Variants in NTRK3 observed in about 807,000 individuals in gnomAD.
NTRK3 encodes neurotrophic receptor tyrosine kinase 3.
Under a neutral mutation model 91.7 loss-of-function variants are expected in NTRK3, and 24 were observed. The ratio of observed to expected loss-of-function variants is 0.26; its 90% CI spans 0.19 to 0.37. The LOEUF (loss-of-function observed/expected upper bound fraction) is 0.37, where lower values mean the gene tolerates loss of function less well. Among genes scored for constraint, NTRK3 ranks in the 10% least tolerant of loss-of-function variants. NTRK3 has a pLI of 1.00. For missense variants in NTRK3, 880 were observed against 1,068.9 expected (o/e 0.82, Z 2.46); for synonymous variants, 483 against 404.0 (o/e 1.20, Z -2.34).
intron 13 of NTRK3, among the ~76,000 whole-genome samples, chr15:88,125,461 C>T (rs75250354): frequency 0.012 from 1,839 of 152,096 alleles, 30 homozygotes; most frequent in African/African-American, 0.042. Context: ...TATCAAACCT[C>T]GTATCATGCC....
At chr15:88,182,271 A>G (rs370961925) in intron 5 of NTRK3, among the ~76,000 whole-genome samples, 56 of 152,266 alleles carry the variant, frequency 3.7e-4, no homozygotes, top group African/African-American at 1.1e-3. Context: ...TTGGGAAAAC[A>G]CAAAGAGCCT....
At chr15:88,200,098 A>G (rs777793943) in intron 3 of NTRK3, among the ~76,000 whole-genome samples, 28 of 152,240 alleles carry the variant, frequency 1.8e-4, no homozygotes, top group Non-Finnish European at 3.2e-4. Context: ...AATTGGGAGC[A>G]TGATTGAGCC....
At chr15:87,897,397 G>A (rs1213866035) in intron 17 of NTRK3, among the ~76,000 whole-genome samples, 1 of 152,142 alleles carries the variant, frequency 6.6e-6, no homozygotes, top group African/African-American at 2.4e-5. Context: ...CAACTCCAAA[G>A]ATGTGAGTTG....
rs115771660 is a variant in NTRK3 at position 88,177,086 on chromosome 15, A to T, written c.395+6332T>A. Among the ~76,000 whole-genome samples the T allele has an allele frequency of 3.8e-3, 580 of 152,306 alleles. 1 individual carries two copies. Among genetic ancestry groups the T allele is most frequent in the African/African-American group, 0.013 (560 of 41,576 alleles). ...TCCAATGTGGGAATGAGCTTGGCAC[A>T]TTTAAGGGACTGAAAAGGCTTGTAA... On this transcript the variant is annotated intron_variant, in intron 5 of 18. Transcript: ENST00000394480.
intron 14 of NTRK3, among the ~76,000 whole-genome samples, chr15:88,006,869 A>G (rs2076530390): frequency 1.3e-5 from 2 of 152,106 alleles, no homozygotes; most frequent in South Asian, 4.1e-4. Flanking sequence ...ACACAGCACC[A>G]TCAGAGAGCC....
At chr15:88,118,658 C>G (rs2052369580) in intron 13 of NTRK3, among the ~76,000 whole-genome samples, 1 of 152,138 alleles carries the variant, frequency 6.6e-6, no homozygotes, top group South Asian at 2.1e-4. Context: ...TTTACTAACT[C>G]ATCTTCTGTT....
At chr15:88,129,760 A>T (rs2053628367) in intron 10 of NTRK3, among the ~76,000 whole-genome samples, 1 of 152,224 alleles carries the variant, frequency 6.6e-6, no homozygotes, top group African/African-American at 2.4e-5. Flanking sequence ...CAAATGTAGG[A>T]TCATTTAAGC....
chr15:88,046,413 A>T (rs1395927387), intron 13 of NTRK3, among the ~76,000 whole-genome samples: 1 of 152,166 alleles, frequency 6.6e-6, no homozygotes, highest in African/African-American at 2.4e-5. Flanking sequence ...CCAGGTCTAC[A>T]GGTGGGACAC....
intron 13 of NTRK3, among the ~76,000 whole-genome samples, chr15:88,122,342 T>G (rs1453517156): frequency 6.6e-6 from 1 of 152,024 alleles, no homozygotes; most frequent in African/African-American, 2.4e-5. Context: ...CTGGGAGGTG[T>G]GAGTTTATCT....
intron 13 of NTRK3, among the ~76,000 whole-genome samples, chr15:88,116,104 G>A (rs745561366): frequency 6.6e-6 from 1 of 152,140 alleles, no homozygotes; most frequent in Non-Finnish European, 1.5e-5. Context: ...TCCTTCAGTG[G>A]GGGCAACAGT....
intron 13 of NTRK3, among the ~76,000 whole-genome samples, chr15:88,114,282 C>T (rs1258677055): frequency 6.6e-6 from 1 of 152,136 alleles, no homozygotes; most frequent in Non-Finnish European, 1.5e-5. Flanking sequence ...CCTCAGAAGA[C>T]ATCAAAAAAG....
chr15:88,009,615 C>G (rs1403339353), intron 14 of NTRK3, among the ~76,000 whole-genome samples: 2 of 152,152 alleles, frequency 1.3e-5, no homozygotes, highest in Non-Finnish European at 2.9e-5. Context: ...CAGGACACAC[C>G]CCTATAGGGT....
intron 14 of NTRK3, among the ~76,000 whole-genome samples, chr15:87,953,716 C>A (rs2071378110): frequency 6.6e-6 from 1 of 152,196 alleles, no homozygotes; most frequent in Non-Finnish European, 1.5e-5. Flanking sequence ...AAGGAGCCAT[C>A]CTTCTATGCT....
intron 3 of NTRK3, among the ~76,000 whole-genome samples, chr15:88,220,853 A>G (rs1442259279): frequency 1.3e-5 from 2 of 152,222 alleles, no homozygotes; most frequent in Non-Finnish European, 2.9e-5. Flanking sequence ...TGATCATGGC[A>G]GAAAGGTCCC....
At chr15:87,972,709 C>T (rs896096329) in intron 14 of NTRK3, among the ~76,000 whole-genome samples, 62 of 152,250 alleles carry the variant, frequency 4.1e-4, no homozygotes, top group African/African-American at 1.5e-3. Flanking sequence ...GCCAGGTGCC[C>T]ATCTGGTCCC....
intron 17 of NTRK3, among the ~76,000 whole-genome samples, chr15:87,906,727 G>A (rs781097712): frequency 6.6e-6 from 1 of 151,852 alleles, no homozygotes; most frequent in African/African-American, 2.4e-5. Flanking sequence ...TTGCTTTGAC[G>A]TCCCTACCTA....
At chr15:88,248,272 C>G (rs2053027537) in intron 3 of NTRK3, among the ~76,000 whole-genome samples, 1 of 152,170 alleles carries the variant, frequency 6.6e-6, no homozygotes, top group Admixed American at 6.5e-5. Flanking sequence ...TCAGGAGAAA[C>G]TCCCTGTTGG....
intron 5 of NTRK3, among the ~76,000 whole-genome samples, chr15:88,164,357 C>G (rs2044738815): frequency 6.6e-6 from 1 of 152,188 alleles, no homozygotes; most frequent in South Asian, 2.1e-4. Flanking sequence ...GCAAGAAAGG[C>G]CAGCTGCAGA....
intron 15 of NTRK3, 84 bp from the exon 16 acceptor site, chr15:87,933,268 C>G: frequency 7.5e-7 from 1 of 1,329,666 alleles, no homozygotes; most frequent in Non-Finnish European, 1.1e-6. Context: ...ACTGGCCCCA[C>G]ACACCACTGG....
Sources: gnomAD v4.1 joint callset for allele counts (sites outside exome capture counted in the v4.1 genomes callset) on GRCh38, gnomAD v4.1.1 for gene constraint, MANE v1.5 for transcripts, NCBI Gene and HGNC (gene_info 2026-07-23, HGNC 2026-07-21) for gene names.